The following MOB3A variants were observed in gnomAD, a reference collection of about 807,000 sequenced individuals.
MOB3A encodes the protein MOB kinase activator 3A.
Under a neutral mutation model 17.8 loss-of-function variants are expected in MOB3A, and 17 were observed. That is an observed-to-expected ratio of 0.95 (90% CI 0.65 to 1.43). The LOEUF (loss-of-function observed/expected upper bound fraction) is 1.43, where lower values mean the gene tolerates loss of function less well. Among genes scored for constraint, MOB3A ranks in the 40% most tolerant of loss-of-function variants. The pLI, the probability that MOB3A is intolerant of heterozygous loss-of-function variation, is 0.00. For synonymous variants in MOB3A, 124 were observed against 133.2 expected, an observed-to-expected ratio of 0.93 and a Z score of 0.48; for missense variants, 333 against 310.8, an observed-to-expected ratio of 1.07 and a Z score of -0.54.
intron 1 of MOB3A, 50 bp from the exon 2 acceptor site, chr19:2,085,378 T>TA (rs1599409185): frequency 1.3e-5 from 2 of 151,772 alleles, no homozygotes; most frequent in East Asian, 3.9e-4. Context: ...CAACACTTTT[T>TA]TTTTTTTTTT....
In MOB3A at chr19:2,076,922, A is replaced by T. The variant is rs879546370; in HGVS notation, c.513T>A (p.Phe171Leu). 6.2e-7 allele frequency: 1 copy of T among 1,613,944 alleles called. No homozygotes were observed. The highest frequency in any genetic ancestry group is 1.7e-5 in the Admixed American group (1 of 59,998). The change falls in exon 4 of 5, where the codon TTT becomes TTA. Residue 171 changes from phenylalanine to leucine, a missense_variant. Coordinates refer to ENST00000357066, the MANE Select transcript of MOB3A (RefSeq NM_130807.3). ...RVFVHVYIHH[F>L]DRIAQMGSEA... ...CGGAGCCCATCTGCGCGATGCGGTC[A>T]AAGTGGTGGATGTAGACGTGCACGA...
chr19:2,089,883 C>T (rs2017593660), intron 1 of MOB3A, among the ~76,000 whole-genome samples: 2 of 152,024 alleles, frequency 1.3e-5, no homozygotes, highest in Non-Finnish European at 2.9e-5. Flanking sequence ...CCCTGGCCTC[C>T]ACCCACTCCA....
intron 1 of MOB3A, among the ~76,000 whole-genome samples, chr19:2,089,770 A>AT (rs1246378251): frequency 7.3e-5 from 11 of 150,762 alleles, no homozygotes; most frequent in South Asian, 2.1e-4. Context: ...AGCAGACTTG[A>AT]TTTTTTTTTC....
At chr19:2,095,600 C>T (rs923721117) in intron 1 of MOB3A, among the ~76,000 whole-genome samples, 1 of 152,244 alleles carries the variant, frequency 6.6e-6, no homozygotes, top group Non-Finnish European at 1.5e-5. Flanking sequence ...CTCGACCCCG[C>T]ACCCTGTATC....
In MOB3A at chr19:2,072,383, G is replaced by T. The variant is rs565176785; in HGVS notation, c.*1012C>A. The T allele has an allele frequency of 6.6e-6, 1 of 152,156 alleles. No individual in the cohort carries two copies. The highest frequency in any genetic ancestry group is 1.5e-5 in the Non-Finnish European group (1 of 68,054). 9.4% of individuals were successfully genotyped at this position (152,156 alleles called of 1,614,324 possible). On this transcript the variant is annotated 3_prime_UTR_variant, in exon 5 of 5. Coordinates refer to ENST00000357066, the MANE Select transcript of MOB3A (RefSeq NM_130807.3). ...TTGAACCCAGGAGGTGGAGGATGCA[G>T]TGAGCCGAGATTGTGCCACTGGACT...
intron 1 of MOB3A, among the ~76,000 whole-genome samples, chr19:2,088,396 G>A (rs987608218): frequency 9.2e-5 from 14 of 152,068 alleles, no homozygotes; most frequent in African/African-American, 3.4e-4. Flanking sequence ...CTCAACCTCC[G>A]GGGCTCAAGC....
intron 2 of MOB3A, among the ~76,000 whole-genome samples, chr19:2,080,811 A>G (rs1277738950): frequency 6.6e-6 from 1 of 152,140 alleles, no homozygotes; most frequent in Admixed American, 6.6e-5. Context: ...AGCACGGGGA[A>G]GCTCTCAGCT....
intron 2 of MOB3A, chr19:2,084,119 C>T (rs886676067): frequency 4.0e-6 from 2 of 500,098 alleles, no homozygotes; most frequent in Non-Finnish European, 8.0e-6. Flanking sequence ...ACCAGACTCA[C>T]ACCAAGACAG....
chr19:2,076,585 G>A (rs1271231054), intron 4 of MOB3A, among the ~76,000 whole-genome samples: 1 of 152,244 alleles, frequency 6.6e-6, no homozygotes, highest in Non-Finnish European at 1.5e-5. Flanking sequence ...CGGCGCGGAG[G>A]AAACTGCACC....
chr19:2,095,040 T>G (rs902098521), intron 1 of MOB3A, among the ~76,000 whole-genome samples: 14 of 152,090 alleles, frequency 9.2e-5, no homozygotes, highest in African/African-American at 3.4e-4. Flanking sequence ...GTGTGGTGGT[T>G]GGCGCCTGTA....
In MOB3A at chr19:2,076,855, C is replaced by T. The variant is rs371597769; in HGVS notation, c.580G>A (p.Val194Ile). 162 of 1,613,920 alleles carry T rather than the reference C, an allele frequency of 1.0e-4. No homozygotes were observed. In the Admixed American group the frequency reaches 1.2e-3, roughly 11 times the overall value. The change falls in exon 4 of 5, where the codon GTC becomes ATC. Residue 194 changes from valine (V) to isoleucine (I), a missense_variant. Val to Ile is a conservative substitution (Grantham distance 29, BLOSUM62 3). Coordinates refer to ENST00000357066, the MANE Select transcript of MOB3A (RefSeq NM_130807.3). ...GTGTCGATGAGGCCGAACTCCTTGA[C>T]GAAATAGTAGAAGTGCTTGTAGCAG... ...NTCYKHFYYF[V>I]KEFGLIDTKE... is the part of the protein sequence containing the mutation.
intron 2 of MOB3A, among the ~76,000 whole-genome samples, chr19:2,081,340 C>T (rs542887067): frequency 0.014 from 2,205 of 152,264 alleles, 46 homozygotes; most frequent in African/African-American, 0.051. Context: ...GTAATCCCGG[C>T]ACTTTGGGAG....
intron 3 of MOB3A, 68 bp downstream of exon 3, chr19:2,078,072 C>T (rs2017435129): frequency 1.4e-6 from 2 of 1,450,620 alleles, no homozygotes. Flanking sequence ...GTGTGAGCCA[C>T]TGTGCTCGGC....
In MOB3A at chr19:2,094,339, G is replaced by GC. The variant is rs551501947; in HGVS notation, c.-274+1886dup. On this transcript the variant is annotated intron_variant, in intron 1 of 4. Transcript: ENST00000357066. The stretch of plus-strand genomic sequence containing the variant: ...TGGGATCACAGGCACGAACGACTGC[G>GC]CCGGGCCACCCTCTTGCACTTCTGA... 3.0e-4 allele frequency among the ~76,000 whole-genome samples: 45 copies of GC among 152,216 alleles called. 2 individuals are homozygous for GC. The South Asian group carries it at 9.3e-3, about 32-fold the overall frequency.
chr19:2,074,656 G>A (rs752616190), intron 4 of MOB3A, among the ~76,000 whole-genome samples: 2 of 151,680 alleles, frequency 1.3e-5, no homozygotes, highest in African/African-American at 2.4e-5. Flanking sequence ...GGGTTCAAAC[G>A]ATTCTCCTGC....
rs1429050809 is a variant in MOB3A at position 2,082,019 on chromosome 19, G to A, written c.-120+3156C>T. On this transcript the variant is annotated intron_variant, in intron 2 of 4. Coordinates refer to ENST00000357066, the MANE Select transcript of MOB3A (RefSeq NM_130807.3). This position sits in a 1 kb window ranked among gnomAD's most constrained non-coding sequence, Gnocchi z 4.1. ...GGACCGGCTGGGGGACACTGCTCAGGGCAGCCTGGGCACAGGTGGCAGGAG... is the reference window on the plus strand; with the variant it reads ...GGACCGGCTGGGGGACACTGCTCAGAGCAGCCTGGGCACAGGTGGCAGGAG... 6.6e-6 allele frequency among the ~76,000 whole-genome samples: 1 copy of A among 152,122 alleles called. No homozygotes were observed. Among genetic ancestry groups the A allele is most frequent in the Non-Finnish European group, 1.5e-5 (1 of 67,992 alleles).
At chr19:2,081,959 G>C (rs934348214) in intron 2 of MOB3A, among the ~76,000 whole-genome samples, 1 of 152,198 alleles carries the variant, frequency 6.6e-6, no homozygotes, top group African/African-American at 2.4e-5. Context: ...AGAAGGTCCA[G>C]GGTCAATGGT....
intron 1 of MOB3A, among the ~76,000 whole-genome samples, chr19:2,091,975 C>T (rs1384226276): frequency 1.4e-5 from 2 of 140,400 alleles, no homozygotes; most frequent in African/African-American, 2.7e-5. Context: ...CCAGCCTGGG[C>T]GACGAGCAAA....
In MOB3A at chr19:2,093,186, C is replaced by G. The variant is rs1422058838; in HGVS notation, c.-274+3040G>C. 6.6e-6 allele frequency among the ~76,000 whole-genome samples: 1 copy of G among 151,254 alleles called. No homozygotes were observed. Reference sequence around the variant, plus strand: ...ATTTTTTTTTTTTTCGAGACGTTGTCTTACTCTGTTGCCCAGGCTGGAGTG... The same window carrying G: ...ATTTTTTTTTTTTTCGAGACGTTGTGTTACTCTGTTGCCCAGGCTGGAGTG... On this transcript the variant is annotated intron_variant, in intron 1 of 4. Transcript: ENST00000357066. The surrounding 1 kb of genome is among the most constrained non-coding windows in gnomAD (Gnocchi z 4.6).
Sources: allele counts gnomAD v4.1 joint callset (sites outside exome capture counted in the v4.1 genomes callset), GRCh38; gene constraint gnomAD v4.1.1; non-coding constraint Gnocchi (gnomAD v3.1); transcripts MANE v1.5; gene names NCBI Gene and HGNC (gene_info 2026-07-23, HGNC 2026-07-21).